PVT1: variants seen among roughly 807,000 people sequenced by gnomAD.
PVT1 encodes the protein CXCR4/PVT1 fusion.
chr8:128,092,543 C>A (rs150142120), intron 5 of PVT1, among the ~76,000 whole-genome samples: 1 of 152,366 alleles, frequency 6.6e-6, no homozygotes, highest in East Asian at 1.9e-4. Context: ...TGCCCTGAAG[C>A]GTTCCGGAAC....
intron 2 of PVT1, among the ~76,000 whole-genome samples, chr8:127,802,493 G>A (rs752570107): frequency 1.3e-5 from 2 of 152,220 alleles, no homozygotes; most frequent in Non-Finnish European, 2.9e-5. Context: ...TAGGGTTACA[G>A]GCGTGAGCCA....
intron 2 of PVT1, among the ~76,000 whole-genome samples, chr8:127,859,772 A>T (rs1395317268): frequency 6.6e-6 from 1 of 151,972 alleles, no homozygotes; most frequent in Non-Finnish European, 1.5e-5. Flanking sequence ...AACCTGTCCT[A>T]GCCTCAATCG....
At chr8:127,989,425 G>C (rs548296540) in intron 4 of PVT1, 1 of 152,266 alleles carries the variant, frequency 6.6e-6, no homozygotes, top group African/African-American at 2.4e-5. Flanking sequence ...ATGTGTTCGG[G>C]AAGCTGGCTC....
intron 4 of PVT1, chr8:128,010,521 C>G (rs1817300872): frequency 2.0e-5 from 3 of 152,166 alleles, no homozygotes; most frequent in African/African-American, 7.2e-5. Flanking sequence ...TTTGATGGCT[C>G]TGGTCTCCAG....
At chr8:128,018,662 G>A (rs1163507067) in intron 4 of PVT1, among the ~76,000 whole-genome samples, 1 of 152,226 alleles carries the variant, frequency 6.6e-6, no homozygotes, top group Non-Finnish European at 1.5e-5. Flanking sequence ...CTGTGACCTA[G>A]TGTCCAGCCA....
At chr8:127,882,274 A>C (rs975552778) in intron 2 of PVT1, among the ~76,000 whole-genome samples, 1 of 152,086 alleles carries the variant, frequency 6.6e-6, no homozygotes, top group Non-Finnish European at 1.5e-5. Context: ...GGAGGAAGTG[A>C]AACGAAGCAA....
intron 2 of PVT1, among the ~76,000 whole-genome samples, chr8:127,798,132 G>A (rs1814418248): frequency 6.6e-6 from 1 of 151,876 alleles, no homozygotes; most frequent in South Asian, 2.1e-4. Flanking sequence ...GTGAAACCCG[G>A]TCTCTACTAC....
intron 2 of PVT1, among the ~76,000 whole-genome samples, chr8:127,853,224 A>G (rs774775079): frequency 6.6e-6 from 1 of 152,138 alleles, no homozygotes; most frequent in Non-Finnish European, 1.5e-5. Flanking sequence ...GGCCGGGGAA[A>G]GTGACTCCTG....
intron 6 of PVT1, among the ~76,000 whole-genome samples, chr8:128,099,123 G>T (rs1309679574): frequency 1.3e-5 from 2 of 152,152 alleles, no homozygotes; most frequent in Non-Finnish European, 2.9e-5. Context: ...TGGAGAGTGG[G>T]CCTCCCACCC....
chr8:128,061,148 G>A (rs968515100), intron 4 of PVT1, among the ~76,000 whole-genome samples: 3 of 152,188 alleles, frequency 2.0e-5, no homozygotes, highest in Non-Finnish European at 4.4e-5. Flanking sequence ...GACCTCAAGT[G>A]ATCTGCCCCT....
intron 2 of PVT1, among the ~76,000 whole-genome samples, chr8:127,816,611 C>T (rs1289402902): frequency 2.0e-5 from 3 of 151,760 alleles, no homozygotes; most frequent in Non-Finnish European, 4.4e-5. Context: ...GTAACCTCCA[C>T]CTCCTGGGTT....
intron 2 of PVT1, among the ~76,000 whole-genome samples, chr8:127,879,635 T>C (rs1815443194): frequency 2.0e-5 from 3 of 152,264 alleles, no homozygotes; most frequent in South Asian, 2.1e-4. Flanking sequence ...CCTGCATGGC[T>C]TGGGCATACT....
intron 2 of PVT1, among the ~76,000 whole-genome samples, chr8:127,810,410 A>G (rs1237677654): frequency 6.6e-6 from 1 of 152,204 alleles, no homozygotes; most frequent in Non-Finnish European, 1.5e-5. Flanking sequence ...ATGGCTTCCC[A>G]TTATTAGCTT....
intron 3 of PVT1, among the ~76,000 whole-genome samples, chr8:127,921,854 G>GTTTTTTTGTTTTTTTTTTTTTTTTTTTTT (rs1816063128): frequency 5.6e-5 from 4 of 71,906 alleles, no homozygotes; most frequent in African/African-American, 2.4e-4. Flanking sequence ...TTTGGTTCAT[G>GTTTTTTTGTTTTTTTTTTTTTTTTTTTTT]TTTTTTTTTT....
intron 2 of PVT1, among the ~76,000 whole-genome samples, chr8:127,880,637 G>A (rs991447912): frequency 8.1e-6 from 1 of 123,670 alleles, no homozygotes; most frequent in Non-Finnish European, 1.6e-5. Context: ...GTCTCACTCT[G>A]TCTCCCAGGC....
At chr8:127,874,937 G>GTGTGTGTGT (rs1563627450) in intron 2 of PVT1, among the ~76,000 whole-genome samples, 40 of 145,956 alleles carry the variant, frequency 2.7e-4, no homozygotes, top group African/African-American at 9.3e-4. Flanking sequence ...TGTGTGTGTG[G>GTGTGTGTGT]GTGTGTGGCC....
chr8:127,962,107 T>C (rs1693156055), intron 3 of PVT1, among the ~76,000 whole-genome samples: 1 of 152,206 alleles, frequency 6.6e-6, no homozygotes, highest in South Asian at 2.1e-4. Context: ...CCCAAGTAGC[T>C]GGGCCTGCAG....
At chr8:127,905,260 C>T (rs1230334521) in intron 3 of PVT1, among the ~76,000 whole-genome samples, 1 of 151,776 alleles carries the variant, frequency 6.6e-6, no homozygotes, top group Non-Finnish European at 1.5e-5. Flanking sequence ...CTCTCTCCCA[C>T]TCAGGAACAT....
At chr8:127,900,639 G>A (rs6983620) in intron 3 of PVT1, among the ~76,000 whole-genome samples, 2,624 of 152,242 alleles carry the variant, frequency 0.017, 81 homozygotes, top group African/African-American at 0.06. Flanking sequence ...TTCATTCCCT[G>A]GGCCACAGAG....
Sources: allele counts gnomAD v4.1 joint callset (sites outside exome capture counted in the v4.1 genomes callset), GRCh38; gene constraint gnomAD v4.1.1; transcripts MANE v1.5; gene names NCBI Gene and HGNC (gene_info 2026-07-23, HGNC 2026-07-21).